Variants in SDS observed in about 807,000 individuals in gnomAD.
SDS encodes L-serine dehydratase/L-threonine deaminase.
A neutral mutation model predicts 29.3 loss-of-function variants in SDS; 19 were observed. The ratio of observed to expected loss-of-function variants is 0.65; its 90% confidence interval spans 0.45 to 0.95. SDS has a LOEUF of 0.95. Among genes scored for constraint, SDS ranks in the 40% least tolerant of loss-of-function variants. SDS has a pLI of 0.00. For synonymous variants in SDS, 176 were observed against 189.0 expected, an observed-to-expected ratio of 0.93 and a Z score of 0.56; for missense variants, 375 against 439.9, an observed-to-expected ratio of 0.85 and a Z score of 1.32.
chr12:113,397,462 C>T (rs779194883), intron 5 of SDS, 70 bp from the exon 6 acceptor site: 21 of 1,305,194 alleles, frequency 1.6e-5, no homozygotes, highest in African/African-American at 8.8e-5. Context: ...AGGTTTGCAC[C>T]GGCCTTATCC....
chr12:113,401,894 G>T (rs1178902375), intron 1 of SDS, among the ~76,000 whole-genome samples: 3 of 152,150 alleles, frequency 2.0e-5, no homozygotes, highest in Non-Finnish European at 4.4e-5. Context: ...GGGGCTCTCT[G>T]GTTCCCCCTC....
At chr12:113,400,472 C>CAA (rs201609642) in intron 1 of SDS, among the ~76,000 whole-genome samples, 1 of 134,786 alleles carries the variant, frequency 7.4e-6, no homozygotes, top group East Asian at 2.2e-4. Context: ...GACTGTGTCT[C>CAA]AAAAAAAAAA....
chr12:113,393,103 G>A lies in SDS; in HGVS notation c.825C>T (p.Ala275=), dbSNP rs752253867. 2.0e-5 allele frequency: 32 copies of A among 1,614,028 alleles called. No homozygotes were observed. The South Asian group carries it at 3.0e-4, about 15-fold the overall frequency. ...LVEPACGAAL[A]AVYSHVIQKL... ...TCTGGATCACGTGGCTATAGACAGC[G>A]GCCAGGGCTGCCCCGCAGGCGGGCT... Residue 275 remains alanine (A), a synonymous_variant, in exon 8 of 8, where the codon GCC becomes GCT. Coordinates refer to ENST00000257549, the MANE Select transcript of SDS (RefSeq NM_006843.3).
chr12:113,401,407 ATTCC>A (rs1957684126), intron 1 of SDS, among the ~76,000 whole-genome samples: 1 of 151,626 alleles, frequency 6.6e-6, no homozygotes, highest in African/African-American at 2.4e-5. Context: ...TCATTCATTC[ATTCC>A]AGTAGAGATG....
chr12:113,398,701 ACTCAC>A lies in SDS; in HGVS notation c.333+1_333+5del. On this transcript the variant is annotated splice_donor_variant and splice_donor_5th_base_variant and intron_variant, in intron 4 of 7. Coordinates refer to ENST00000257549, the MANE Select transcript of SDS (RefSeq NM_006843.3). LOFTEE classifies it high-confidence loss of function. ...TCTCTCTTCCTTGCCCTGGGTCGGC[ACTCAC>A]CTCACCCACCACCTTGACTGTGGCA... 2 of 1,613,772 alleles carry A rather than the reference ACTCAC, an allele frequency of 1.2e-6. No homozygotes were observed. Among genetic ancestry groups the A allele is most frequent in the Non-Finnish European group, 1.7e-6 (2 of 1,179,786 alleles).
In SDS at chr12:113,397,335, C is replaced by G; in HGVS notation, c.483G>C (p.Gly161=). The G allele has an allele frequency of 6.2e-7, 1 of 1,613,768 alleles. No individual in the cohort carries two copies. Among genetic ancestry groups the G allele is most frequent in the African/African-American group, 1.3e-5 (1 of 75,038 alleles). Residue 161 remains glycine (G), a synonymous_variant, in exon 6 of 8, where the codon GGG becomes GGC. Transcript: ENST00000257549. ...CGCCGCCCACTGACAGCGCGATGGC[C>G]CCCGGCTTTTCCCACAGTGTCTCCT... ...ELKETLWEKP[G]AIALSVGGGG...
chr12:113,396,569 C>CCTTCCTTCCTTT (rs1957647775), intron 6 of SDS: 1 of 86,760 alleles, frequency 1.2e-5, no homozygotes, highest in African/African-American at 4.6e-5. Context: ...TTCCTTCCTT[C>CCTTCCTTCCTTT]CTTCCTTCCT....
At chr12:113,399,822 G>A in intron 1 of SDS, 112 bp from the exon 2 acceptor site, 1 of 1,100,328 alleles carries the variant, frequency 9.1e-7, no homozygotes, top group Non-Finnish European at 1.2e-6. Context: ...CCTCAGACGA[G>A]AGAGCATCCT....
intron 7 of SDS, 126 bp from the exon 8 acceptor site, chr12:113,393,275 G>A: frequency 4.3e-6 from 4 of 922,768 alleles, no homozygotes; most frequent in Non-Finnish European, 3.4e-6. Context: ...GCAGCCGCAG[G>A]TCCTGAACCA....
In SDS at chr12:113,398,550, C is replaced by A. The variant is rs764239135; in HGVS notation, c.390G>T (p.Trp130Cys). 1 of 1,593,616 alleles carries A rather than the reference C, an allele frequency of 6.3e-7. No individual in the cohort carries two copies. Among genetic ancestry groups the A allele is most frequent in the South Asian group, 1.1e-5 (1 of 89,084 alleles). ...AKALAKNNPGWVYIPPFDDPL... is the reference protein window; with the variant it reads ...AKALAKNNPGCVYIPPFDDPL... ...GGTCATCAAAGGGGGGAATGTAGAC[C>A]CAACCCGGGTTGTTCTTCGCTAGGG... The change falls in exon 5 of 8, where the codon TGG becomes TGT. Residue 130 changes from tryptophan to cysteine, a missense_variant. Trp to Cys is a radical substitution (Grantham distance 215). Coordinates refer to ENST00000257549, the MANE Select transcript of SDS (RefSeq NM_006843.3).
At position 113,398,785 on chromosome 12, in the gene SDS, G is replaced by T. The variant is rs752244777; in HGVS notation, c.255C>A (p.Ile85=). Residue 85 remains isoleucine, a synonymous_variant, in exon 4 of 8, where the codon ATC becomes ATA. Transcript: ENST00000257549. ...AARQLGVPAT[I]VVPSTTPALT... ...GAGCAGGTGTGGTGCTGGGCACCACGATGGTGGCGGGGACGCCGAGTTGCC... is the reference window on the plus strand; with the variant it reads ...GAGCAGGTGTGGTGCTGGGCACCACTATGGTGGCGGGGACGCCGAGTTGCC... 6.2e-7 allele frequency: 1 copy of T among 1,613,954 alleles called. No individual in the cohort carries two copies.
In SDS at chr12:113,399,620, T is replaced by C. The variant is rs754959459; in HGVS notation, c.89A>G (p.Lys30Arg). The C allele has an allele frequency of 1.1e-5, 17 of 1,602,602 alleles. No individual in the cohort carries two copies. Among genetic ancestry groups the C allele is most frequent in the Non-Finnish European group, 1.4e-5 (16 of 1,176,202 alleles). ...SKMAGTSVYL[K>R]MDSAQPSGSF... is the part of the protein sequence containing the mutation. ...GCCGGAGGGCTGGGCACTGTCCATC[T>C]TGAGGTAGACGCTGGTGCCGGCCAT... The change falls in exon 2 of 8, where the codon AAG becomes AGG. Residue 30 changes from lysine (K) to arginine (R), a missense_variant. Physicochemically the swap from Lys to Arg is conservative, Grantham distance 26. Coordinates refer to ENST00000257549, the MANE Select transcript of SDS (RefSeq NM_006843.3).
rs779187767 is a variant in SDS, at chr12:113,397,173, C to T, written c.645G>A (p.Lys215=). The T allele has an allele frequency of 1.2e-6, 2 of 1,614,154 alleles. No individual in the cohort carries two copies. The highest frequency in any genetic ancestry group is 1.7e-5 in the Admixed American group (1 of 60,028). ...TTAGKLVSLP[K]ITSVAKALGV... ...GCACCCCAGCTGCTCACCTGGTGAT[C>T]TTGGGCAGGGAGACAAGTTTGCCTG... The change falls in exon 6 of 8, where the codon AAG becomes AAA. Residue 215 remains lysine, a synonymous_variant. Coordinates refer to ENST00000257549, the MANE Select transcript of SDS (RefSeq NM_006843.3).
chr12:113,400,655 T>C (rs1957679671), intron 1 of SDS, among the ~76,000 whole-genome samples: 1 of 152,020 alleles, frequency 6.6e-6, no homozygotes, highest in Non-Finnish European at 1.5e-5. Flanking sequence ...TTCTTTTATA[T>C]ATTTTTTTAA....
rs140453059 is a variant in SDS at position 113,397,383 on chromosome 12, G to A, written c.435C>T (p.His145=). Residue 145 remains histidine, a synonymous_variant, in exon 6 of 8, where the codon CAC becomes CAT. Coordinates refer to ENST00000257549, the MANE Select transcript of SDS (RefSeq NM_006843.3). ...PFDDPLIWEG[H]ASIVKELKET... ...CCTTCAGCTCTTTCACGATGGAAGC[G>A]TGGCCTTCCCTGGAGGGTGGGGAGA... is the stretch of plus-strand genomic sequence containing the variant. The A allele has an allele frequency of 3.2e-4, 515 of 1,607,984 alleles. No individual in the cohort carries two copies. The highest frequency in any genetic ancestry group is 4.0e-4 in the Non-Finnish European group (476 of 1,175,448).
chr12:113,399,598 G>A lies in SDS; in HGVS notation c.111C>T (p.Ser37=), dbSNP rs757369267. 3.6e-5 allele frequency: 57 copies of A among 1,602,424 alleles called. No individual in the cohort carries two copies. The highest frequency in any genetic ancestry group is 4.3e-4 in the Middle Eastern group (2 of 4,656). Residue 37 remains serine (S), a synonymous_variant, in exon 2 of 8, where the codon TCC becomes TCT. Coordinates refer to ENST00000257549, the MANE Select transcript of SDS (RefSeq NM_006843.3). Reference sequence around the variant, plus strand: ...CAATGCCCCGGATCTTGAAGGAGCCGGAGGGCTGGGCACTGTCCATCTTGA... The same window carrying A: ...CAATGCCCCGGATCTTGAAGGAGCCAGAGGGCTGGGCACTGTCCATCTTGA... ...VYLKMDSAQP[S]GSFKIRGIGH... is the part of the protein sequence containing the mutation.
chr12:113,392,524 C>G lies in SDS; in HGVS notation c.*417G>C, dbSNP rs183722702. 2 of 192,370 alleles carry G rather than the reference C, an allele frequency of 1.0e-5. No individual in the cohort carries two copies. The highest frequency in any genetic ancestry group is 2.1e-5 in the Non-Finnish European group (2 of 96,230). The allele number at this position is 192,370 out of a possible 1,614,324, so 11.9% of individuals were successfully genotyped here. A position where few individuals can be genotyped will look rare whatever the true frequency, so the allele number is the denominator to read the frequency against. On this transcript the variant is annotated 3_prime_UTR_variant, in exon 8 of 8. Coordinates refer to ENST00000257549, the MANE Select transcript of SDS (RefSeq NM_006843.3). ...ATTAGTAAGGGTCAGGGGTGGGCTT[C>G]CTGGGAGGATGGCTGAGATGGTTCC...
At position 113,399,131 on chromosome 12, in the gene SDS, T is replaced by C. The variant is rs142465258; in HGVS notation, c.174A>G (p.Ala58=). Residue 58 remains alanine, a synonymous_variant, in exon 3 of 8, where the codon GCA becomes GCG. Coordinates refer to ENST00000257549, the MANE Select transcript of SDS (RefSeq NM_006843.3). The part of the protein sequence containing the change: ...FCKRWAKQGC[A]HFVCSSAGNA... ...ACTTACCCGAGGAGCAGACAAAATG[T>C]GCACAGCCTTGCTTGGCCCACTGTG... The C allele has an allele frequency of 6.7e-5, 108 of 1,613,988 alleles. No individual in the cohort carries two copies. In the African/African-American group the frequency reaches 1.2e-3, roughly 19 times the overall value.
intron 5 of SDS, 49 bp downstream of exon 5, chr12:113,398,466 A>G (rs753318213): frequency 1.1e-5 from 13 of 1,180,854 alleles, no homozygotes; most frequent in Non-Finnish European, 1.6e-5. Flanking sequence ...GCCCAGTGAT[A>G]TAGGGCAGTG....
Sources: allele counts gnomAD v4.1 joint callset (sites outside exome capture counted in the v4.1 genomes callset), GRCh38; gene constraint gnomAD v4.1.1; transcripts MANE v1.5; gene names NCBI Gene and HGNC (gene_info 2026-07-23, HGNC 2026-07-21).